JAKMIP2: variants seen among roughly 807,000 people sequenced by gnomAD.
JAKMIP2 encodes the protein janus kinase and microtubule-interacting protein 2.
Under a neutral mutation model 115.0 loss-of-function variants are expected in JAKMIP2, and 25 were observed. The ratio of observed to expected loss-of-function variants is 0.22; its 90% confidence interval spans 0.16 to 0.30. JAKMIP2 has a LOEUF of 0.30. Among genes scored for constraint, JAKMIP2 ranks in the 10% least tolerant of loss-of-function variants. The pLI is 1.00. For synonymous variants in JAKMIP2, 334 were observed against 343.6 expected (o/e 0.97, Z 0.31); for missense variants, 642 against 957.6 (o/e 0.67, Z 4.35).
At chr5:147,730,369 A>C (rs555660879) in intron 1 of JAKMIP2, among the ~76,000 whole-genome samples, 5 of 151,978 alleles carry the variant, frequency 3.3e-5, no homozygotes, top group Non-Finnish European at 7.4e-5. Context: ...CTCCACCCTC[A>C]ACATCTGATC....
chr5:147,779,590 A>C (rs76516385), intron 1 of JAKMIP2, among the ~76,000 whole-genome samples: 20,689 of 152,070 alleles, frequency 0.14, 1,492 homozygotes, highest in Middle Eastern at 0.21. Context: ...TGAACAGGTA[A>C]ATGTTCAGTT....
chr5:147,619,381 C>CCATTCTCTTCTTTCCCCATCAAACACT (rs1042394895), intron 18 of JAKMIP2, among the ~76,000 whole-genome samples: 2 of 151,990 alleles, frequency 1.3e-5, no homozygotes, highest in African/African-American at 4.8e-5. Context: ...CATCAAATAC[C>CCATTCTCTTCTTTCCCCATCAAACACT]CATTCTCTTC....
chr5:147,665,178 G>A (rs946973973), intron 2 of JAKMIP2, among the ~76,000 whole-genome samples: 5 of 152,116 alleles, frequency 3.3e-5, no homozygotes, highest in African/African-American at 1.2e-4. Context: ...TATAAATAAA[G>A]TTTATTGGGA....
chr5:147,728,770 ATT>A (rs1753614465), intron 1 of JAKMIP2, among the ~76,000 whole-genome samples: 1 of 152,204 alleles, frequency 6.6e-6, no homozygotes, highest in African/African-American at 2.4e-5. Context: ...CAGGTCAGAT[ATT>A]TGGTTTGCTA....
intron 1 of JAKMIP2, among the ~76,000 whole-genome samples, chr5:147,699,439 A>G (rs1221709849): frequency 6.6e-6 from 1 of 151,048 alleles, no homozygotes; most frequent in Admixed American, 6.6e-5. Flanking sequence ...TACATTGGTG[A>G]AAAAAAAACA....
chr5:147,742,470 T>C (rs1393182052), intron 1 of JAKMIP2, among the ~76,000 whole-genome samples: 1 of 152,108 alleles, frequency 6.6e-6, no homozygotes, highest in Non-Finnish European at 1.5e-5. Flanking sequence ...GCCAGGTCTA[T>C]GGGAAACAAC....
chr5:147,641,220 C>A lies in JAKMIP2; in HGVS notation c.1282-397G>T, dbSNP rs148631269. 1.8e-3 allele frequency among the ~76,000 whole-genome samples: 268 copies of A among 152,152 alleles called. 2 individuals are homozygous for A. Among genetic ancestry groups the A allele is most frequent in the East Asian group, 0.011 (56 of 5,186 alleles). ...TTGTCATCCAAGTCCACATTAAAAA[C>A]CAATGGTATACTTGGTAAAAACCAA... is the stretch of plus-strand genomic sequence containing the variant. On this transcript the variant is annotated intron_variant, in intron 8 of 21. Transcript: ENST00000616793.
chr5:147,759,135 T>C (rs1754844084), intron 1 of JAKMIP2, among the ~76,000 whole-genome samples: 1 of 151,706 alleles, frequency 6.6e-6, no homozygotes, highest in African/African-American at 2.4e-5. Context: ...AGAGTAAAAA[T>C]ACATGCCCAT....
intron 3 of JAKMIP2, among the ~76,000 whole-genome samples, 189 bp from the exon 4 acceptor site, chr5:147,650,736 G>A (rs774931106): frequency 6.6e-6 from 1 of 152,084 alleles, no homozygotes; most frequent in African/African-American, 2.4e-5. Flanking sequence ...GGGTTAATTA[G>A]GTGTCAAGGA....
chr5:147,737,330 T>A (rs1753964094), intron 1 of JAKMIP2, among the ~76,000 whole-genome samples: 1 of 152,216 alleles, frequency 6.6e-6, no homozygotes, highest in Non-Finnish European at 1.5e-5. Context: ...ACCAAGATAT[T>A]CAAGTACTTT....
chr5:147,671,605 G>A, intron 2 of JAKMIP2, 73 bp downstream of exon 2: 2 of 1,266,264 alleles, frequency 1.6e-6, no homozygotes, highest in Non-Finnish European at 2.0e-6. Context: ...CCAGCAGGCA[G>A]AGCTGTGCTC....
At chr5:147,628,234 C>T (rs542040942) in intron 16 of JAKMIP2, among the ~76,000 whole-genome samples, 1 of 152,198 alleles carries the variant, frequency 6.6e-6, no homozygotes, top group Non-Finnish European at 1.5e-5. Flanking sequence ...TTTATCTGGC[C>T]ATTTACCAGG....
At position 147,620,326 on chromosome 5, in the gene JAKMIP2, G is replaced by A. The variant is rs192713183; in HGVS notation, c.2142+340C>T. Among the ~76,000 whole-genome samples, 325 of 152,080 alleles carry A rather than the reference G, an allele frequency of 2.1e-3. 2 individuals carry two copies. The highest frequency in any genetic ancestry group is 7.3e-3 in the African/African-American group (303 of 41,484). On this transcript the variant is annotated intron_variant, in intron 18 of 21. Coordinates refer to ENST00000616793, the MANE Select transcript of JAKMIP2 (RefSeq NM_001270941.2). Reference sequence around the variant, plus strand: ...TACAAGGTTTCACCATGTTGCTCACGCTGGTCTTGAATTCCTGGGCTCAAG... The same window carrying A: ...TACAAGGTTTCACCATGTTGCTCACACTGGTCTTGAATTCCTGGGCTCAAG...
intron 1 of JAKMIP2, among the ~76,000 whole-genome samples, chr5:147,731,536 G>A (rs1477578317): frequency 2.0e-5 from 3 of 152,166 alleles, no homozygotes; most frequent in East Asian, 1.9e-4. Context: ...ACTTAAGTTC[G>A]TGATCTCTTA....
At chr5:147,614,795 G>A (rs2126636136) in intron 19 of JAKMIP2, among the ~76,000 whole-genome samples, 1 of 152,260 alleles carries the variant, frequency 6.6e-6, no homozygotes, top group African/African-American at 2.4e-5. Flanking sequence ...CCTCACTCTG[G>A]CTCTGCGTGC....
chr5:147,780,215 G>T (rs1472313301), intron 1 of JAKMIP2, among the ~76,000 whole-genome samples: 1 of 152,072 alleles, frequency 6.6e-6, no homozygotes, highest in African/African-American at 2.4e-5. Context: ...AAATAGTGGG[G>T]TCAAAAGCTA....
At chr5:147,675,520 C>T (rs192553792) in intron 1 of JAKMIP2, among the ~76,000 whole-genome samples, 1 of 151,872 alleles carries the variant, frequency 6.6e-6, no homozygotes, top group African/African-American at 2.4e-5. Flanking sequence ...AAGTCACATA[C>T]CGTAACATTC....
chr5:147,644,716 G>T lies in JAKMIP2; in HGVS notation c.1083+134C>A, dbSNP rs571884150. On this transcript the variant is annotated intron_variant, in intron 6 of 21. Transcript: ENST00000616793. ...AACCTTCTCTTGCTTTCTTCATTAA[G>T]GCTTCCTTGCTTACATAAGGAAAAA... is the stretch of plus-strand genomic sequence containing the variant. 4 of 749,614 alleles carry T rather than the reference G, an allele frequency of 5.3e-6. No individual in the cohort carries two copies. The East Asian group carries it at 8.6e-5, about 16-fold the overall frequency. The allele number at this position is 749,614 out of a possible 1,614,324, so 46.4% of individuals were successfully genotyped here.
intron 2 of JAKMIP2, among the ~76,000 whole-genome samples, chr5:147,668,077 C>T (rs1020907495): frequency 7.2e-5 from 11 of 152,256 alleles, no homozygotes; most frequent in African/African-American, 2.4e-4. Flanking sequence ...CACGGGCTTG[C>T]TCTGATGGTT....
Sources: gnomAD v4.1 joint callset for allele counts (sites outside exome capture counted in the v4.1 genomes callset) on GRCh38, gnomAD v4.1.1 for gene constraint, MANE v1.5 for transcripts, NCBI Gene and HGNC (gene_info 2026-07-23, HGNC 2026-07-21) for gene names.